DDX19B: variants seen among roughly 807,000 people sequenced by gnomAD.
DDX19B encodes DEAD-box helicase 19B, also known as ATP-dependent RNA helicase DDX19B.
In DDX19B, 27 loss-of-function variants were observed where a neutral mutation model predicts 58.1. The observed-to-expected ratio is 0.46, with a 90% confidence interval of 0.34 to 0.64. The LOEUF (loss-of-function observed/expected upper bound fraction) is 0.64. Ranked by LOEUF, DDX19B falls within the 30% of genes least tolerant of loss-of-function variation. The probability of loss-of-function intolerance (pLI) is 0.01; values close to 1 mark genes in which losing one functional copy is unlikely to be tolerated. For synonymous variants in DDX19B, 187 were observed against 214.4 expected, an observed-to-expected ratio of 0.87 and a Z score of 1.12; for missense variants, 399 against 596.5, an observed-to-expected ratio of 0.67 and a Z score of 3.45.
chr16:70,325,127 T>TA (rs1963072998), intron 6 of DDX19B, among the ~76,000 whole-genome samples: 1 of 152,194 alleles, frequency 6.6e-6, no homozygotes, highest in African/African-American at 2.4e-5. Flanking sequence ...GCACAAATAA[T>TA]ACGGGATATC....
intron 1 of DDX19B, among the ~76,000 whole-genome samples, chr16:70,306,821 A>G (rs1386113363): frequency 6.6e-6 from 1 of 152,190 alleles, no homozygotes; most frequent in Non-Finnish European, 1.5e-5. Context: ...TCAATTTTAG[A>G]ACATTTTCAT....
At chr16:70,290,313 G>A (rs9922969), upstream of DDX19B, among the ~76,000 whole-genome samples, 13,986 of 151,976 alleles carry the variant, frequency 0.092, 2,062 homozygotes, top group African/African-American at 0.32. Context: ...TGAGGCCAAC[G>A]GATGACGAGG....
At chr16:70,291,728 G>A (rs767602359), upstream of DDX19B, among the ~76,000 whole-genome samples, 5 of 151,390 alleles carry the variant, frequency 3.3e-5, no homozygotes, top group Admixed American at 6.6e-5. Flanking sequence ...GGAGAATGGC[G>A]TGAACCCGGG....
At chr16:70,305,788 T>C (rs573485413) in intron 1 of DDX19B, among the ~76,000 whole-genome samples, 1 of 152,198 alleles carries the variant, frequency 6.6e-6, no homozygotes, top group African/African-American at 2.4e-5. Context: ...TGAGACAGAG[T>C]CTCACTCTGT....
chr16:70,324,900 A>AATT (rs1429000698), intron 6 of DDX19B, among the ~76,000 whole-genome samples: 1 of 152,070 alleles, frequency 6.6e-6, no homozygotes, highest in East Asian at 1.9e-4. Context: ...AAAAATAAAA[A>AATT]ATTAGCTGGG....
In DDX19B at chr16:70,333,945, G is replaced by C. The variant is rs1454237510; in HGVS notation, c.*363G>C. On this transcript the variant is annotated 3_prime_UTR_variant, in exon 12 of 12. Transcript: ENST00000288071. ...CTTGTTCTCTGGCTTGGAGTGGATG[G>C]GGCAGCCTCCAGCTCCTGTGGAAGT... 5.3e-5 allele frequency: 18 copies of C among 340,702 alleles called. No individual in the cohort carries two copies. In the East Asian group the frequency reaches 1.1e-3, roughly 20 times the overall value. 21.1% of individuals were successfully genotyped at this position (340,702 alleles called of 1,614,324 possible).
intron 1 of DDX19B, among the ~76,000 whole-genome samples, chr16:70,305,404 C>A (rs1961700511): frequency 6.6e-6 from 1 of 152,198 alleles, no homozygotes; most frequent in African/African-American, 2.4e-5. Flanking sequence ...CATGCCTAAC[C>A]TGGCAGGCAT....
At position 70,315,729 on chromosome 16, in the gene DDX19B, G is replaced by A. The variant is rs1962359257; in HGVS notation, c.161-240G>A. 6 of 433,092 alleles carry A rather than the reference G, an allele frequency of 1.4e-5. No individual in the cohort carries two copies. The Admixed American group carries it at 2.2e-4, about 16-fold the overall frequency. The allele number at this position is 433,092 out of a possible 1,614,324, so 26.8% of individuals were successfully genotyped here. On this transcript the variant is annotated intron_variant, in intron 3 of 11. Transcript: ENST00000288071. ...GTCTGGATAGGAGGAATAGATAACTGCAGGAAAAGAGGGCTGTTAGAATAG... is the reference window on the plus strand; with the variant it reads ...GTCTGGATAGGAGGAATAGATAACTACAGGAAAAGAGGGCTGTTAGAATAG...
intron 5 of DDX19B, among the ~76,000 whole-genome samples, chr16:70,322,557 C>G (rs1202653306): frequency 6.7e-6 from 1 of 148,364 alleles, no homozygotes; most frequent in Admixed American, 6.8e-5. Context: ...CCACTGCACT[C>G]CAGTCTGGGC....
At chr16:70,321,268 C>CT (rs537919714) in intron 5 of DDX19B, among the ~76,000 whole-genome samples, 16 of 151,798 alleles carry the variant, frequency 1.1e-4, no homozygotes, top group South Asian at 8.3e-4. Flanking sequence ...GGCCTTCAGG[C>CT]TTTTTTTTGT....
At chr16:70,303,516 T>C (rs950327960) in intron 1 of DDX19B, among the ~76,000 whole-genome samples, 1 of 152,196 alleles carries the variant, frequency 6.6e-6, no homozygotes, top group Admixed American at 6.5e-5. Context: ...TTTCAAATAA[T>C]AGACATTTTC....
At chr16:70,292,344 G>A (rs571222254), upstream of DDX19B, among the ~76,000 whole-genome samples, 19 of 151,840 alleles carry the variant, frequency 1.3e-4, no homozygotes, top group African/African-American at 4.4e-4. Context: ...TGAGGGTTTC[G>A]CCATGTTGGC....
chr16:70,301,813 C>T (rs539668953), intron 1 of DDX19B, among the ~76,000 whole-genome samples: 1 of 152,032 alleles, frequency 6.6e-6, no homozygotes, highest in East Asian at 1.9e-4. Context: ...TCAAGTGATC[C>T]TCCTGCCTCA....
chr16:70,294,824 G>C (rs1961161549), upstream of DDX19B: 5 of 1,478,936 alleles, frequency 3.4e-6, no homozygotes, highest in Non-Finnish European at 1.8e-6. Context: ...TTGTTGGAGT[G>C]TAACTGCCAT....
intron 1 of DDX19B, among the ~76,000 whole-genome samples, chr16:70,307,886 G>A (rs186734260): frequency 1.1e-4 from 17 of 151,302 alleles, no homozygotes; most frequent in Non-Finnish European, 2.5e-4. Flanking sequence ...ACCATGCCCA[G>A]CTAATATATT....
intron 5 of DDX19B, among the ~76,000 whole-genome samples, chr16:70,322,381 A>C (rs1387776198): frequency 6.6e-6 from 1 of 152,016 alleles, no homozygotes; most frequent in Non-Finnish European, 1.5e-5. Context: ...ACTTGAGGTC[A>C]GGAGTTCAAG....
At chr16:70,321,986 G>T (rs1378988706) in intron 5 of DDX19B, among the ~76,000 whole-genome samples, 1 of 150,590 alleles carries the variant, frequency 6.6e-6, no homozygotes, top group Admixed American at 6.7e-5. Flanking sequence ...AGTGAGCTGA[G>T]ATCGCGCCAT....
chr16:70,290,017 G>A (rs1466096463), upstream of DDX19B: 2 of 301,884 alleles, frequency 6.6e-6, no homozygotes, highest in Non-Finnish European at 1.3e-5. Context: ...AGGTACGATT[G>A]GATCAGCATC....
intron 5 of DDX19B, 26 bp from the exon 6 acceptor site, chr16:70,324,559 T>G: frequency 6.3e-7 from 1 of 1,598,650 alleles, no homozygotes; most frequent in South Asian, 1.1e-5. Context: ...AGATTTAAGC[T>G]CCTAACTAGT....
Sources: gnomAD v4.1 joint callset for allele counts (sites outside exome capture counted in the v4.1 genomes callset) on GRCh38, gnomAD v4.1.1 for gene constraint, MANE v1.5 for transcripts, NCBI Gene and HGNC (gene_info 2026-07-23, HGNC 2026-07-21) for gene names.